Variants in LOC122539214 observed in about 807,000 individuals in gnomAD.
At chr19:52,687,054 G>A in the LOC122539214 span, among the ~76,000 whole-genome samples, 5 of 151,456 alleles carry the variant, frequency 3.3e-5, no homozygotes, top group South Asian at 2.1e-4. Flanking sequence ...GGTGGCGCAT[G>A]CCTGTAATCC....
At chr19:52,654,386 T>G in the LOC122539214 span, 2 of 1,164,158 alleles carry the variant, frequency 1.7e-6, no homozygotes, top group Non-Finnish European at 2.4e-6. Flanking sequence ...AACTCCGTCA[T>G]GGATTTTAAA....
chr19:52,683,228 CTGTGTGTGTGTGTGTGTGTGTGTGTGTG>C, the LOC122539214 span, among the ~76,000 whole-genome samples: 14 of 127,970 alleles, frequency 1.1e-4, no homozygotes, highest in Admixed American at 2.4e-4. Context: ...CCCTGTGACT[CTGTGTGTGTGTGTGTGTGTGTGTGTGTG>C]TGTGTGTGTG....
At chr19:52,651,056 G>A in the LOC122539214 span, 1 of 152,198 alleles carries the variant, frequency 6.6e-6, no homozygotes, top group Non-Finnish European at 1.5e-5. Context: ...CTTGAACTGT[G>A]CATGTCTCCC....
At chr19:52,674,761 A>G in the LOC122539214 span, among the ~76,000 whole-genome samples, 2 of 152,268 alleles carry the variant, frequency 1.3e-5, no homozygotes, top group Non-Finnish European at 2.9e-5. Flanking sequence ...CAAAATGATT[A>G]AAAACATAGA....
chr19:52,663,314 T>C, the LOC122539214 span, among the ~76,000 whole-genome samples: 1 of 152,266 alleles, frequency 6.6e-6, no homozygotes, highest in Non-Finnish European at 1.5e-5. Flanking sequence ...ATACACACAA[T>C]TGTGAACCCC....
the LOC122539214 span, chr19:52,660,808 G>A: frequency 9.7e-6 from 2 of 206,298 alleles, no homozygotes. Context: ...CTTCTTGGTG[G>A]CTTTCTCATG....
chr19:52,677,329 A>G, the LOC122539214 span, among the ~76,000 whole-genome samples: 1 of 129,114 alleles, frequency 7.7e-6, no homozygotes, highest in South Asian at 2.3e-4. Context: ...AAAAAAAAAA[A>G]ACAAAAATTA....
the LOC122539214 span, among the ~76,000 whole-genome samples, chr19:52,656,580 G>A: frequency 3.3e-5 from 5 of 151,458 alleles, no homozygotes; most frequent in Admixed American, 3.3e-4. Context: ...CTAAAACCAT[G>A]GGCTTGGCTT....
chr19:52,682,440 A>G, the LOC122539214 span, among the ~76,000 whole-genome samples: 35 of 152,188 alleles, frequency 2.3e-4, no homozygotes, highest in African/African-American at 8.4e-4. Context: ...TGGGAGGCTG[A>G]GGTGGGCAGA....
chr19:52,665,758 G>T, the LOC122539214 span, among the ~76,000 whole-genome samples: 1 of 152,166 alleles, frequency 6.6e-6, no homozygotes, highest in African/African-American at 2.4e-5. Flanking sequence ...ATAGGGGAAT[G>T]ACACAGCAGC....
At chr19:52,673,433 G>C in the LOC122539214 span, among the ~76,000 whole-genome samples, 8 of 152,054 alleles carry the variant, frequency 5.3e-5, no homozygotes, top group Non-Finnish European at 1.2e-4. Flanking sequence ...AGCCAAGAAG[G>C]CAGAGGTTGC....
the LOC122539214 span, among the ~76,000 whole-genome samples, chr19:52,656,339 T>G: frequency 6.6e-6 from 1 of 151,842 alleles, no homozygotes; most frequent in Non-Finnish European, 1.5e-5. Flanking sequence ...CTGGGCTACA[T>G]TGTGAAACCC....
the LOC122539214 span, among the ~76,000 whole-genome samples, chr19:52,665,430 A>G: frequency 2.6e-3 from 394 of 152,338 alleles, 3 homozygotes; most frequent in Non-Finnish European, 4.0e-3. Flanking sequence ...GATTAAAAAA[A>G]AAAGCACTGA....
the LOC122539214 span, among the ~76,000 whole-genome samples, chr19:52,684,630 T>C: frequency 1.3e-5 from 2 of 151,118 alleles, no homozygotes; most frequent in Non-Finnish European, 2.9e-5. Context: ...AGTAACGTGA[T>C]AGAGACTGGT....
chr19:52,662,093 T>C, the LOC122539214 span, among the ~76,000 whole-genome samples: 1 of 152,200 alleles, frequency 6.6e-6, no homozygotes, highest in Non-Finnish European at 1.5e-5. Context: ...TTGAAATATT[T>C]TTCTCCCACA....
the LOC122539214 span, among the ~76,000 whole-genome samples, chr19:52,667,274 T>A: frequency 6.6e-6 from 1 of 150,830 alleles, no homozygotes; most frequent in African/African-American, 2.4e-5. Flanking sequence ...AAAAAGAATG[T>A]TATATGGTAA....
the LOC122539214 span, among the ~76,000 whole-genome samples, chr19:52,666,217 C>A: frequency 6.8e-6 from 1 of 146,766 alleles, no homozygotes. Context: ...GAGAAAGAGA[C>A]AGAGAGACAA....
chr19:52,680,261 C>T, the LOC122539214 span, among the ~76,000 whole-genome samples: 1 of 152,254 alleles, frequency 6.6e-6, no homozygotes, highest in South Asian at 2.1e-4. Flanking sequence ...TAGACAAGAG[C>T]AGATTTCTCA....
the LOC122539214 span, among the ~76,000 whole-genome samples, chr19:52,666,745 G>A: frequency 3.9e-4 from 60 of 152,132 alleles, no homozygotes; most frequent in African/African-American, 1.4e-3. Flanking sequence ...AACCCAGCAG[G>A]TTTTCTAACA....
Sources: gnomAD v4.1 joint callset for allele counts (sites outside exome capture counted in the v4.1 genomes callset) on GRCh38, gnomAD v4.1.1 for gene constraint, MANE v1.5 for transcripts.